Variants in CFAP299 observed in about 807,000 individuals in gnomAD.
The protein encoded by CFAP299 is cilia and flagella associated protein 299.
A neutral mutation model predicts 27.0 loss-of-function variants in CFAP299; 21 were observed. The ratio of observed to expected loss-of-function variants is 0.78; its 90% CI spans 0.55 to 1.12. CFAP299 has a LOEUF of 1.12. CFAP299 is among the 50% of genes most tolerant of loss of function. The pLI is 0.00. For missense variants in CFAP299, 310 were observed against 276.6 expected, an observed-to-expected ratio of 1.12 and a Z score of -0.86; for synonymous variants, 104 against 98.1, an observed-to-expected ratio of 1.06 and a Z score of -0.36.
At chr4:80,940,700 C>T (rs1737148285) in intron 4 of CFAP299, among the ~76,000 whole-genome samples, 1 of 152,038 alleles carries the variant, frequency 6.6e-6, no homozygotes, top group Admixed American at 6.6e-5. Context: ...AAAAAGTTAC[C>T]TTCGTGAGTT....
chr4:80,906,928 C>T (rs189737914), intron 4 of CFAP299, among the ~76,000 whole-genome samples: 2 of 152,176 alleles, frequency 1.3e-5, no homozygotes, highest in Non-Finnish European at 2.9e-5. Flanking sequence ...ACATTTGGCT[C>T]TTCATTACTT....
intron 3 of CFAP299, among the ~76,000 whole-genome samples, chr4:80,589,150 C>T (rs984338854): frequency 1.3e-5 from 2 of 152,200 alleles, no homozygotes; most frequent in African/African-American, 2.4e-5. Context: ...ATGACCATCA[C>T]TGCTCTAAGC....
chr4:80,863,881 G>T (rs184213997), intron 3 of CFAP299, among the ~76,000 whole-genome samples: 1 of 151,776 alleles, frequency 6.6e-6, no homozygotes, highest in Admixed American at 6.6e-5. Flanking sequence ...GTGTCTTTTG[G>T]GAAATTAACT....
chr4:80,431,903 A>C (rs1727833392), intron 2 of CFAP299, among the ~76,000 whole-genome samples: 2 of 152,218 alleles, frequency 1.3e-5, no homozygotes, highest in East Asian at 3.9e-4. Context: ...GCTTTCCTCT[A>C]CTTCCTGTGA....
intron 2 of CFAP299, among the ~76,000 whole-genome samples, chr4:80,476,909 G>A (rs1730298375): frequency 6.6e-6 from 1 of 151,648 alleles, no homozygotes; most frequent in Admixed American, 6.6e-5. Context: ...CATATCCCTG[G>A]AGCCTGCTTT....
intron 2 of CFAP299, among the ~76,000 whole-genome samples, chr4:80,385,197 C>T (rs1047015653): frequency 2.0e-5 from 3 of 152,018 alleles, no homozygotes; most frequent in African/African-American, 7.3e-5. Flanking sequence ...GAGCTTATTC[C>T]TCCTGTGTGA....
At chr4:80,947,885 G>A (rs1197604760) in intron 5 of CFAP299, among the ~76,000 whole-genome samples, 4 of 152,050 alleles carry the variant, frequency 2.6e-5, no homozygotes, top group Non-Finnish European at 4.4e-5. Flanking sequence ...GAAGAACCAA[G>A]AAATAAGCAA....
chr4:80,762,254 T>G (rs1242836436), intron 3 of CFAP299, among the ~76,000 whole-genome samples: 3 of 152,180 alleles, frequency 2.0e-5, no homozygotes, highest in Admixed American at 6.6e-5. Flanking sequence ...ATGAAAAACT[T>G]TCATATTTCC....
chr4:80,801,161 C>G (rs1728570565), intron 3 of CFAP299, among the ~76,000 whole-genome samples: 1 of 151,334 alleles, frequency 6.6e-6, no homozygotes, highest in Non-Finnish European at 1.5e-5. Flanking sequence ...CAAGTTGACA[C>G]TCAGTACTGA....
At chr4:80,542,258 C>CT (rs1000538588) in intron 2 of CFAP299, among the ~76,000 whole-genome samples, 5 of 152,066 alleles carry the variant, frequency 3.3e-5, no homozygotes, top group Non-Finnish European at 5.9e-5. Context: ...CTGCTACCAG[C>CT]TTTTTTCTTT....
intron 3 of CFAP299, among the ~76,000 whole-genome samples, chr4:80,610,514 A>G (rs1406653142): frequency 6.6e-6 from 1 of 152,020 alleles, no homozygotes; most frequent in Non-Finnish European, 1.5e-5. Context: ...ATAGTAATTC[A>G]TACTTTATCT....
intron 2 of CFAP299, among the ~76,000 whole-genome samples, chr4:80,460,970 G>A (rs887103430): frequency 9.9e-5 from 15 of 152,088 alleles, no homozygotes; most frequent in African/African-American, 3.1e-4. Context: ...GGAGACATAT[G>A]GCATCAATTA....
chr4:80,529,575 C>T (rs1047915601), intron 2 of CFAP299, among the ~76,000 whole-genome samples: 1 of 152,138 alleles, frequency 6.6e-6, no homozygotes, highest in Admixed American at 6.6e-5. Flanking sequence ...ATACAGTCCT[C>T]TGAGTGGCTA....
intron 2 of CFAP299, among the ~76,000 whole-genome samples, chr4:80,512,113 C>T (rs528462607): frequency 6.6e-5 from 10 of 151,856 alleles, no homozygotes; most frequent in South Asian, 2.1e-4. Context: ...TTTATTTGTG[C>T]GAAATCAGAT....
chr4:80,688,412 A>AT (rs1720384675), intron 3 of CFAP299, among the ~76,000 whole-genome samples: 1 of 19,870 alleles, frequency 5.0e-5, no homozygotes, highest in African/African-American at 2.0e-4. Context: ...ACTGGGAGGC[A>AT]CCCCCCAGCA....
chr4:80,924,786 T>C (rs1380894392), intron 4 of CFAP299, among the ~76,000 whole-genome samples: 1 of 151,438 alleles, frequency 6.6e-6, no homozygotes, highest in Non-Finnish European at 1.5e-5. Context: ...CTCTTTCTTA[T>C]TATTATCAAT....
intron 3 of CFAP299, among the ~76,000 whole-genome samples, chr4:80,828,573 A>G (rs1730121346): frequency 6.6e-6 from 1 of 151,914 alleles, no homozygotes; most frequent in Non-Finnish European, 1.5e-5. Context: ...GTGAGTTCTC[A>G]TGACATCTGG....
intron 1 of CFAP299, among the ~76,000 whole-genome samples, chr4:80,339,842 A>G (rs1016120158): frequency 1.3e-5 from 2 of 152,208 alleles, no homozygotes; most frequent in African/African-American, 4.8e-5. Context: ...AAAGGTGCCT[A>G]TGACCACTGG....
intron 2 of CFAP299, among the ~76,000 whole-genome samples, chr4:80,440,307 G>A (rs192549282): frequency 5.6e-5 from 7 of 125,918 alleles, no homozygotes; most frequent in Admixed American, 3.5e-4. Context: ...GGAGAGCTCC[G>A]GCTGGCATCT....
Sources: allele counts gnomAD v4.1 joint callset (sites outside exome capture counted in the v4.1 genomes callset), GRCh38; gene constraint gnomAD v4.1.1; transcripts MANE v1.5; gene names NCBI Gene and HGNC (gene_info 2026-07-23, HGNC 2026-07-21).